TLE5: variants seen among roughly 807,000 people sequenced by gnomAD.
The protein encoded by TLE5 is TLE family member 5.
In TLE5, 7 loss-of-function variants were observed where a neutral mutation model predicts 25.8. That is an observed-to-expected ratio of 0.27 (90% CI 0.15 to 0.51). The LOEUF is 0.51. Among genes scored for constraint, TLE5 ranks in the 20% least tolerant of loss-of-function variants. The pLI, the probability that TLE5 is intolerant of heterozygous loss-of-function variation, is 0.97. For missense variants in TLE5, 149 were observed against 250.7 expected (o/e 0.59, Z 2.74); for synonymous variants, 132 against 110.5 (o/e 1.20, Z -1.22).
At chr19:3,062,049 TGGGGGGGGCGCCGGGCCGGAGGCACC>T in intron 1 of TLE5, 99 bp downstream of exon 1, 1 of 86,560 alleles carries the variant, frequency 1.2e-5, no homozygotes, top group Non-Finnish European at 1.5e-5. Flanking sequence ...GCCGGGGAGT[TGGGGGGGGCGCCGGGCCGGAGGCACC>T]GGGCCTGGGG....
intron 4 of TLE5, 101 bp from the exon 5 acceptor site, chr19:3,055,827 C>T (rs972915723): frequency 1.1e-5 from 15 of 1,323,106 alleles, no homozygotes; most frequent in South Asian, 6.0e-5. Context: ...CTGCCACTTG[C>T]GGCTTCTAAG....
chr19:3,057,479 G>T, intron 3 of TLE5, 200 bp downstream of exon 3: 1 of 582,084 alleles, frequency 1.7e-6, no homozygotes, highest in Admixed American at 3.0e-5. Context: ...TTGGCACCTC[G>T]GCCACTGCCT....
At chr19:3,055,885 C>T (rs2090212965) in intron 4 of TLE5, 159 bp from the exon 5 acceptor site, 2 of 684,436 alleles carry the variant, frequency 2.9e-6, no homozygotes, top group South Asian at 4.7e-5. Context: ...GTGTTCGGGC[C>T]CGAGGGCAGC....
chr19:3,054,245 G>A, intron 5 of TLE5, 51 bp from the exon 6 acceptor site: 1 of 1,570,328 alleles, frequency 6.4e-7, no homozygotes, highest in Non-Finnish European at 8.7e-7. Flanking sequence ...CTGATCCTGG[G>A]AGAGGAGAGG....
intron 6 of TLE5, 34 bp downstream of exon 6, chr19:3,054,086 T>TCGGGGGCGCCCC: frequency 6.6e-7 from 1 of 1,512,818 alleles, no homozygotes; most frequent in Non-Finnish European, 8.9e-7. Context: ...GGCCCACCTG[T>TCGGGGGCGCCCC]CCCCCGCCCA....
At chr19:3,062,640 G>A, upstream of TLE5, 13 of 1,200,836 alleles carry the variant, frequency 1.1e-5, no homozygotes, top group Non-Finnish European at 1.3e-5. Context: ...CGCCCGCCGC[G>A]GTGACCTTGG....
At position 3,053,632 on chromosome 19, in the gene TLE5, AT is replaced by A. The variant is rs1226879814; in HGVS notation, c.*186del. Reference sequence around the variant, plus strand: ...CAGGGGAGGAGGAGGGAAGCCGGGAATGGGGTAGGAAGAAAGCTAGAGGTGG... The same window carrying A: ...CAGGGGAGGAGGAGGGAAGCCGGGAAGGGGTAGGAAGAAAGCTAGAGGTGG... On this transcript the variant is annotated 3_prime_UTR_variant, in exon 7 of 7. Coordinates refer to ENST00000327141, the MANE Select transcript of TLE5 (RefSeq NM_001130.6). 1.9e-5 allele frequency: 12 copies of A among 617,564 alleles called. No individual in the cohort carries two copies. The highest frequency in any genetic ancestry group is 3.4e-5 in the Non-Finnish European group (12 of 357,392). 38.3% of individuals were successfully genotyped at this position (617,564 alleles called of 1,614,324 possible).
upstream of TLE5, chr19:3,062,623 C>G: frequency 8.7e-7 from 1 of 1,153,260 alleles, no homozygotes; most frequent in Admixed American, 4.8e-5. Context: ...CCCGCCTCCC[C>G]GTGGCCCGCC....
chr19:3,059,012 A>T (rs1452512072), intron 2 of TLE5, among the ~76,000 whole-genome samples: 5 of 152,184 alleles, frequency 3.3e-5, no homozygotes, highest in Non-Finnish European at 7.3e-5. Context: ...GAGAAGAGTC[A>T]ATGAATTCAG....
In TLE5 at chr19:3,055,646, C is replaced by G. The variant is rs1273829327; in HGVS notation, c.297+18G>C. ...GCGGGGCCCCCTCACAACCCCTCCC[C>G]AAGGCCCTGGCTCTTACCTCTTGGG... On this transcript the variant is annotated intron_variant, in intron 5 of 6. Transcript: ENST00000327141. 6.3e-7 allele frequency: 1 copy of G among 1,579,200 alleles called. No homozygotes were observed. The highest frequency in any genetic ancestry group is 8.6e-7 in the Non-Finnish European group (1 of 1,164,808).
chr19:3,057,960 T>G (rs2145261072), intron 2 of TLE5, among the ~76,000 whole-genome samples: 1 of 152,030 alleles, frequency 6.6e-6, no homozygotes, highest in East Asian at 1.9e-4. Flanking sequence ...GCTCAAGCAA[T>G]CCTCCTTCCT....
intron 1 of TLE5, among the ~76,000 whole-genome samples, chr19:3,061,914 T>G (rs1416001113): frequency 2.0e-5 from 1 of 50,920 alleles, no homozygotes; most frequent in African/African-American, 7.5e-5. Context: ...AGCCGGGAGC[T>G]GCGGCGGGGG....
At position 3,053,633 on chromosome 19, in the gene TLE5, T is replaced by G; in HGVS notation, c.*186A>C. 1 of 635,694 alleles carries G rather than the reference T, an allele frequency of 1.6e-6. No homozygotes were observed. Among genetic ancestry groups the G allele is most frequent in the Non-Finnish European group, 2.7e-6 (1 of 370,890 alleles). 39.4% of individuals were successfully genotyped at this position (635,694 alleles called of 1,614,324 possible). On this transcript the variant is annotated 3_prime_UTR_variant, in exon 7 of 7. Coordinates refer to ENST00000327141, the MANE Select transcript of TLE5 (RefSeq NM_001130.6). ...AGGGGAGGAGGAGGGAAGCCGGGAA[T>G]GGGGTAGGAAGAAAGCTAGAGGTGG... is the stretch of plus-strand genomic sequence containing the variant.
chr19:3,056,455 G>A (rs553564174), intron 3 of TLE5, 99 bp from the exon 4 acceptor site: 6 of 574,496 alleles, frequency 1.0e-5, no homozygotes, highest in African/African-American at 5.8e-5. Flanking sequence ...ACAGACAAAG[G>A]GGGGAGACAG....
At chr19:3,061,139 A>T in intron 2 of TLE5, 21 bp downstream of exon 2, 1 of 1,587,950 alleles carries the variant, frequency 6.3e-7, no homozygotes, top group Non-Finnish European at 8.6e-7. Context: ...GGACGCAGGG[A>T]CCCCCAGTCC....
chr19:3,061,889 G>GT (rs964589379), intron 1 of TLE5, among the ~76,000 whole-genome samples: 5 of 127,102 alleles, frequency 3.9e-5, no homozygotes, highest in African/African-American at 8.0e-5. Context: ...GGCGGGTTGG[G>GT]GGGGGGGGGC....
In TLE5 at chr19:3,055,703, G is replaced by A. The variant is rs151085318; in HGVS notation, c.258C>T (p.Asn86=). Residue 86 remains asparagine (N), a synonymous_variant, in exon 5 of 7, where the codon AAC becomes AAT. Coordinates refer to ENST00000327141, the MANE Select transcript of TLE5 (RefSeq NM_001130.6). ...AGGGCAGGACCTGGGCACAAATCCC[G>A]TTCAGCCTTTTGACGATCTCAGCCT... The part of the protein sequence containing the change: ...HKQAEIVKRL[N]GICAQVLPYL... 203 of 1,608,812 alleles carry A rather than the reference G, an allele frequency of 1.3e-4. No individual in the cohort carries two copies. The highest frequency in any genetic ancestry group is 1.0e-3 in the African/African-American group (77 of 74,854).
chr19:3,057,240 C>T (rs1020398717), intron 3 of TLE5, among the ~76,000 whole-genome samples: 2 of 152,218 alleles, frequency 1.3e-5, no homozygotes, highest in African/African-American at 2.4e-5. Flanking sequence ...ATCAGCCCCC[C>T]GAAATGGGTA....
chr19:3,061,423 C>T, intron 1 of TLE5, 166 bp from the exon 2 acceptor site: 1 of 452,332 alleles, frequency 2.2e-6, no homozygotes, highest in Non-Finnish European at 3.9e-6. Flanking sequence ...TTCCTGCCCC[C>T]CGCCTCTCCC....
Sources: allele counts gnomAD v4.1 joint callset (sites outside exome capture counted in the v4.1 genomes callset), GRCh38; gene constraint gnomAD v4.1.1; transcripts MANE v1.5; gene names NCBI Gene and HGNC (gene_info 2026-07-23, HGNC 2026-07-21).